TRIM24: variants seen among roughly 807,000 people sequenced by gnomAD.
TRIM24 encodes tripartite motif containing 24, also known as transcription intermediary factor 1-alpha.
A neutral mutation model predicts 123.9 loss-of-function variants in TRIM24; 29 were observed. The observed-to-expected ratio is 0.23, with a 90% CI of 0.17 to 0.32. The LOEUF is 0.32. TRIM24 is among the 10% of genes least tolerant of loss of function. The pLI is 1.00. For synonymous variants in TRIM24, 456 were observed against 461.1 expected (o/e 0.99, Z 0.14); for missense variants, 932 against 1,295.3 (o/e 0.72, Z 4.31).
At chr7:138,514,199 T>C (rs773993155) in intron 2 of TRIM24, among the ~76,000 whole-genome samples, 1 of 152,204 alleles carries the variant, frequency 6.6e-6, no homozygotes. Flanking sequence ...AAAATTTTAC[T>C]GTCAAACCTG....
intron 4 of TRIM24, 140 bp downstream of exon 4, chr7:138,519,461 C>A: frequency 1.2e-6 from 1 of 851,414 alleles, no homozygotes; most frequent in African/African-American, 1.7e-5. Context: ...TGGGGTTTGT[C>A]ACTTTTGACA....
At chr7:138,515,127 A>G (rs1219799760) in intron 2 of TRIM24, 85 bp from the exon 3 acceptor site, 5 of 1,365,010 alleles carry the variant, frequency 3.7e-6, no homozygotes, top group Non-Finnish European at 4.9e-6. Context: ...AGCCTGGTAC[A>G]ATTGGTGTAT....
At chr7:138,502,249 A>G (rs188508637) in intron 1 of TRIM24, among the ~76,000 whole-genome samples, 6 of 152,222 alleles carry the variant, frequency 3.9e-5, no homozygotes, top group Admixed American at 2.0e-4. Context: ...CAGGTTTACC[A>G]GGTACCAGCC....
chr7:138,561,275 T>G (rs1312247317), intron 9 of TRIM24, among the ~76,000 whole-genome samples: 1 of 152,178 alleles, frequency 6.6e-6, no homozygotes, highest in African/African-American at 2.4e-5. Flanking sequence ...ACAAAATTGC[T>G]TCCATCTGTA....
intron 1 of TRIM24, among the ~76,000 whole-genome samples, chr7:138,468,912 G>A (rs1795209882): frequency 6.6e-6 from 1 of 152,170 alleles, no homozygotes; most frequent in Non-Finnish European, 1.5e-5. Flanking sequence ...GCTATGTTCT[G>A]CATTGGCTGT....
intron 12 of TRIM24, among the ~76,000 whole-genome samples, chr7:138,575,942 G>A (rs971842267): frequency 3.9e-5 from 6 of 151,928 alleles, no homozygotes; most frequent in African/African-American, 7.3e-5. Context: ...ACCACCTTTC[G>A]TTGTCTTCTG....
intron 5 of TRIM24, among the ~76,000 whole-genome samples, chr7:138,528,790 C>A (rs1163065664): frequency 8.7e-6 from 1 of 114,478 alleles, no homozygotes; most frequent in Non-Finnish European, 1.7e-5. Context: ...CCCACCCCCC[C>A]CCCCATCCTT....
Position 138,515,355 on chromosome 7 carries a change from T to G in TRIM24, c.627T>G (p.Ser209=). The change falls in exon 3 of 19, where the codon TCT becomes TCG. Residue 209 remains serine (S), a synonymous_variant. Coordinates refer to ENST00000343526, the MANE Select transcript of TRIM24 (RefSeq NM_015905.3). ...DHTVRQKEEV[S]PEAVGVTSQR... ...CTGTCAGACAGAAAGAGGAAGTATC[T>G]CCAGGTAATAAATGAGATCTTTGCA... 6.2e-7 allele frequency: 1 copy of G among 1,613,590 alleles called. No homozygotes were observed. Among genetic ancestry groups the G allele is most frequent in the Non-Finnish European group, 8.5e-7 (1 of 1,179,636 alleles).
intron 6 of TRIM24, among the ~76,000 whole-genome samples, chr7:138,534,704 G>T (rs1455717220): frequency 1.3e-5 from 2 of 152,210 alleles, no homozygotes; most frequent in African/African-American, 4.8e-5. Flanking sequence ...ATTTGGGGTG[G>T]AGAGTTCTGT....
chr7:138,534,068 T>C (rs1469790889), intron 6 of TRIM24, among the ~76,000 whole-genome samples: 1 of 152,206 alleles, frequency 6.6e-6, no homozygotes, highest in Non-Finnish European at 1.5e-5. Flanking sequence ...GATATCCCCT[T>C]TAACATTTTT....
intron 8 of TRIM24, 104 bp downstream of exon 8, chr7:138,551,284 G>A: frequency 2.0e-6 from 2 of 980,908 alleles, no homozygotes; most frequent in Non-Finnish European, 3.2e-6. Flanking sequence ...GGGCACGGTG[G>A]CTCACATCTG....
At chr7:138,568,295 G>A (rs1485838033) in intron 10 of TRIM24, among the ~76,000 whole-genome samples, 1 of 134,976 alleles carries the variant, frequency 7.4e-6, no homozygotes, top group Non-Finnish European at 1.6e-5. Flanking sequence ...AATTTTTTTT[G>A]TATTTTTAGT....
chr7:138,569,659 G>T (rs910587031), intron 10 of TRIM24, among the ~76,000 whole-genome samples: 4 of 152,124 alleles, frequency 2.6e-5, no homozygotes, highest in African/African-American at 9.7e-5. Context: ...TGGTAAAGAA[G>T]ACATTCATGT....
At position 138,541,507 on chromosome 7, in the gene TRIM24, T is replaced by C. The variant is rs542644085; in HGVS notation, c.1143+2704T>C. 4.6e-5 allele frequency among the ~76,000 whole-genome samples: 7 copies of C among 152,282 alleles called. No individual in the cohort carries two copies. In the South Asian group the frequency reaches 1.5e-3, roughly 32 times the overall value. The stretch of plus-strand genomic sequence containing the variant: ...AGTGGGCTTAAAATAATAACTAAAA[T>C]ATATTGTAAGTAGATGTGCTGTAAT... On this transcript the variant is annotated intron_variant, in intron 7 of 18. Coordinates refer to ENST00000343526, the MANE Select transcript of TRIM24 (RefSeq NM_015905.3).
chr7:138,569,706 G>A (rs1797614505), intron 10 of TRIM24, among the ~76,000 whole-genome samples: 1 of 152,040 alleles, frequency 6.6e-6, no homozygotes, highest in African/African-American at 2.4e-5. Flanking sequence ...TTTCTACAAT[G>A]GAATATATAA....
In TRIM24 at chr7:138,554,158, C is replaced by T. The variant is rs1408086399; in HGVS notation, c.1262-540C>T. On this transcript the variant is annotated intron_variant, in intron 8 of 18. Transcript: ENST00000343526. The surrounding 1 kb of genome is among the most constrained non-coding windows in gnomAD (Gnocchi z 4.5). ...TCTCCGGGTTGGCCACTCCTAGGTT[C>T]CTTAACGCAGAACTCCAAACACACA... Among the ~76,000 whole-genome samples the T allele has an allele frequency of 6.6e-6, 1 of 152,150 alleles. No homozygotes were observed. Among genetic ancestry groups the T allele is most frequent in the African/African-American group, 2.4e-5 (1 of 41,428 alleles).
rs1797558644 is a variant in TRIM24, at chr7:138,567,480, G to C, written c.1531-1G>C. Reference sequence around the variant, plus strand: ...AAATTGGTTTAATTTCTTTTTTCTAGCAACCGCCTCCACGTTTGATAAACT... The same window carrying C: ...AAATTGGTTTAATTTCTTTTTTCTACCAACCGCCTCCACGTTTGATAAACT... On this transcript the variant is annotated splice_acceptor_variant, in intron 9 of 18. Transcript: ENST00000343526. LOFTEE classifies it high-confidence loss of function. 3.1e-6 allele frequency: 5 copies of C among 1,594,848 alleles called. No homozygotes were observed. The highest frequency in any genetic ancestry group is 4.3e-6 in the Non-Finnish European group (5 of 1,173,008).
Position 138,578,274 on chromosome 7 carries a change from AAAT to A in TRIM24, c.2256+699_2256+701del, listed in dbSNP as rs146278692. 5.6e-3 allele frequency among the ~76,000 whole-genome samples: 853 copies of A among 151,958 alleles called. 4 individuals carry two copies. The highest frequency in any genetic ancestry group is 0.018 in the African/African-American group (735 of 41,246). ...TGTGGGTCTGCAGTGAACAATATTT[AAAT>A]AATAATAATAATGATGTAAACAAAC... On this transcript the variant is annotated intron_variant, in intron 14 of 18. Coordinates refer to ENST00000343526, the MANE Select transcript of TRIM24 (RefSeq NM_015905.3).
At chr7:138,499,806 G>GTT (rs981975476) in intron 1 of TRIM24, among the ~76,000 whole-genome samples, 159 of 144,454 alleles carry the variant, frequency 1.1e-3, no homozygotes, top group African/African-American at 3.8e-3. Flanking sequence ...TTAGCATTCT[G>GTT]TTTTTTTTTT....
Sources: allele counts gnomAD v4.1 joint callset (sites outside exome capture counted in the v4.1 genomes callset), GRCh38; gene constraint gnomAD v4.1.1; non-coding constraint Gnocchi (gnomAD v3.1); transcripts MANE v1.5; gene names NCBI Gene and HGNC (gene_info 2026-07-23, HGNC 2026-07-21).